The following ATR variants were observed in gnomAD, a reference collection of about 807,000 sequenced individuals.
The protein encoded by ATR is ATR checkpoint kinase.
Under a neutral mutation model 305.3 loss-of-function variants are expected in ATR, and 142 were observed. The ratio of observed to expected loss-of-function variants is 0.47; its 90% confidence interval spans 0.41 to 0.53. The LOEUF (loss-of-function observed/expected upper bound fraction) is 0.53, where lower values mean the gene tolerates loss of function less well. Ranked by LOEUF, ATR falls within the 20% of genes least tolerant of loss-of-function variation. The pLI is 0.00. For synonymous variants in ATR, 1,050 were observed against 1,068.1 expected, an observed-to-expected ratio of 0.98 and a Z score of 0.33; for missense variants, 2,135 against 3,133.1, an observed-to-expected ratio of 0.68 and a Z score of 7.60.
chr3:142,498,030 T>C (rs144795304), intron 32 of ATR, among the ~76,000 whole-genome samples: 3 of 152,298 alleles, frequency 2.0e-5, no homozygotes, highest in Admixed American at 1.3e-4. Context: ...ACCAAACGGG[T>C]TGATACTAAA....
intron 10 of ATR, among the ~76,000 whole-genome samples, chr3:142,554,530 T>C (rs1226050931): frequency 6.6e-6 from 1 of 152,186 alleles, no homozygotes; most frequent in Non-Finnish European, 1.5e-5. Flanking sequence ...ACTCAGCCTA[T>C]AAATAATTTA....
intron 46 of ATR, chr3:142,452,711 A>G: frequency 9.4e-7 from 1 of 1,066,608 alleles, no homozygotes; most frequent in East Asian, 8.2e-5. Flanking sequence ...AACAACAACA[A>G]CAAAACTATC....
At chr3:142,528,879 ATTTT>A (rs1170239080) in intron 21 of ATR, among the ~76,000 whole-genome samples, 7 of 30,476 alleles carry the variant, frequency 2.3e-4, no homozygotes, top group African/African-American at 1.7e-3. Flanking sequence ...ATATATATAT[ATTTT>A]TTTTTTTTTT....
intron 21 of ATR, among the ~76,000 whole-genome samples, chr3:142,533,107 T>C (rs566651272): frequency 6.6e-6 from 1 of 151,908 alleles, no homozygotes; most frequent in South Asian, 2.1e-4. Context: ...AAGACCAGCC[T>C]GGGCAACATA....
At chr3:142,504,221 T>A (rs966682753) in intron 29 of ATR, among the ~76,000 whole-genome samples, 1 of 152,192 alleles carries the variant, frequency 6.6e-6, no homozygotes, top group Non-Finnish European at 1.5e-5. Context: ...AACTCTGTGA[T>A]TCTACAGGAC....
chr3:142,564,934 T>TTTTGG (rs140839802), intron 3 of ATR, among the ~76,000 whole-genome samples: 13 of 151,968 alleles, frequency 8.6e-5, no homozygotes, highest in South Asian at 2.1e-4. Context: ...TTCTGTTTTG[T>TTTTGG]TTTGGTTTGG....
At chr3:142,525,106 A>G (rs2033315662) in intron 21 of ATR, among the ~76,000 whole-genome samples, 1 of 152,180 alleles carries the variant, frequency 6.6e-6, no homozygotes, top group Non-Finnish European at 1.5e-5. Flanking sequence ...ATTCAGCTGT[A>G]AAGACCGCCT....
At chr3:142,456,486 C>T (rs2070910012) in intron 45 of ATR, among the ~76,000 whole-genome samples, 1 of 151,946 alleles carries the variant, frequency 6.6e-6, no homozygotes, top group Admixed American at 6.6e-5. Context: ...GCACGAGAAT[C>T]GTTTGAACCC....
At chr3:142,540,474 A>G (rs1181031010) in intron 18 of ATR, among the ~76,000 whole-genome samples, 1 of 152,204 alleles carries the variant, frequency 6.6e-6, no homozygotes, top group Non-Finnish European at 1.5e-5. Flanking sequence ...TTTAGATTAG[A>G]TATTTCTATT....
At chr3:142,500,887 A>G (rs976410083) in intron 30 of ATR, among the ~76,000 whole-genome samples, 1 of 152,190 alleles carries the variant, frequency 6.6e-6, no homozygotes, top group African/African-American at 2.4e-5. Context: ...TTGTTATCCA[A>G]CTGTGGGATA....
intron 18 of ATR, among the ~76,000 whole-genome samples, chr3:142,538,930 T>C (rs974660585): frequency 1.3e-5 from 2 of 152,090 alleles, no homozygotes; most frequent in Non-Finnish European, 1.5e-5. Flanking sequence ...AAAATAGATA[T>C]CTGTAGAGGT....
intron 32 of ATR, 91 bp from the exon 33 acceptor site, chr3:142,497,283 G>T (rs2108337460): frequency 7.6e-7 from 1 of 1,321,570 alleles, no homozygotes; most frequent in Non-Finnish European, 1.1e-6. Context: ...CAGAAATAAA[G>T]AATTTAAAAT....
At chr3:142,478,912 C>A (rs1324638252) in intron 36 of ATR, among the ~76,000 whole-genome samples, 3 of 151,868 alleles carry the variant, frequency 2.0e-5, no homozygotes, top group Non-Finnish European at 4.4e-5. Context: ...GGATTTCAAC[C>A]CCTGCCTTTT....
chr3:142,476,123 CT>C (rs1481764729), intron 36 of ATR, among the ~76,000 whole-genome samples: 1 of 152,130 alleles, frequency 6.6e-6, no homozygotes, highest in African/African-American at 2.4e-5. Context: ...TCAATTTTGG[CT>C]TTTGTTGCCA....
chr3:142,528,864 TATATATATATA>T (rs1217403209), intron 21 of ATR, among the ~76,000 whole-genome samples: 1 of 59,054 alleles, frequency 1.7e-5, no homozygotes, highest in African/African-American at 1.2e-4. Context: ...CATATATATA[TATATATATATA>T]TATATTTTTT....
At chr3:142,451,155 C>G in intron 46 of ATR, 4 of 1,224,064 alleles carry the variant, frequency 3.3e-6, no homozygotes, top group Non-Finnish European at 4.1e-6. Flanking sequence ...TTCACATCCA[C>G]TGAGGAATCT....
At chr3:142,494,871 G>A (rs944959191) in intron 34 of ATR, among the ~76,000 whole-genome samples, 3 of 152,174 alleles carry the variant, frequency 2.0e-5, no homozygotes, top group African/African-American at 7.2e-5. Flanking sequence ...CTGCAATAAC[G>A]TATACAGGGA....
intron 46 of ATR, chr3:142,451,649 A>G: frequency 8.2e-7 from 1 of 1,221,674 alleles, no homozygotes; most frequent in Non-Finnish European, 1.0e-6. Context: ...GTGTCATCAT[A>G]GCTCACAGCA....
intron 26 of ATR, among the ~76,000 whole-genome samples, chr3:142,512,689 C>T (rs2032639227): frequency 6.6e-6 from 1 of 151,964 alleles, no homozygotes; most frequent in African/African-American, 2.4e-5. Flanking sequence ...CCTGTCTATA[C>T]TAAAAATACA....
Sources: gnomAD v4.1 joint callset for allele counts (sites outside exome capture counted in the v4.1 genomes callset) on GRCh38, gnomAD v4.1.1 for gene constraint, MANE v1.5 for transcripts, NCBI Gene and HGNC (gene_info 2026-07-23, HGNC 2026-07-21) for gene names.